Variants in FAT3 observed in about 807,000 individuals in gnomAD.
FAT3 encodes FAT atypical cadherin 3, also known as protocadherin Fat 3.
Under a neutral mutation model 310.2 loss-of-function variants are expected in FAT3, and 95 were observed. The observed-to-expected ratio is 0.31, with a 90% confidence interval of 0.26 to 0.36. FAT3 has a LOEUF of 0.36. Among genes scored for constraint, FAT3 ranks in the 10% least tolerant of loss-of-function variants. The probability of loss-of-function intolerance (pLI) is 1.00; values close to 1 mark genes in which losing one functional copy is unlikely to be tolerated. For synonymous variants in FAT3, 2,314 were observed against 2,192.9 expected (o/e 1.06, Z -1.54); for missense variants, 5,408 against 5,715.6 (o/e 0.95, Z 1.74).
intron 2 of FAT3, among the ~76,000 whole-genome samples, chr11:92,471,516 C>T (rs746882672): frequency 3.9e-5 from 6 of 152,082 alleles, no homozygotes; most frequent in Admixed American, 1.3e-4. Context: ...ATACCCTTCA[C>T]GTTGGCAAAA....
chr11:92,583,531 G>T (rs1479442570), intron 3 of FAT3, among the ~76,000 whole-genome samples: 1 of 151,996 alleles, frequency 6.6e-6, no homozygotes, highest in East Asian at 1.9e-4. Flanking sequence ...AAGTATAAAT[G>T]ATGTGGTTTT....
intron 4 of FAT3, among the ~76,000 whole-genome samples, chr11:92,756,234 T>A (rs1245946513): frequency 6.6e-6 from 1 of 152,256 alleles, no homozygotes; most frequent in Non-Finnish European, 1.5e-5. Flanking sequence ...GTTTTTCTTG[T>A]ACATACATAC....
intron 2 of FAT3, among the ~76,000 whole-genome samples, chr11:92,469,215 A>G (rs957372366): frequency 2.0e-5 from 3 of 152,186 alleles, no homozygotes; most frequent in African/African-American, 7.2e-5. Flanking sequence ...CTCATAAATT[A>G]GCCCTGTTTA....
intron 2 of FAT3, among the ~76,000 whole-genome samples, chr11:92,495,477 A>T (rs1952726367): frequency 6.6e-6 from 1 of 152,094 alleles, no homozygotes; most frequent in Non-Finnish European, 1.5e-5. Context: ...TATGATTTTC[A>T]TTGTTTCTCT....
intron 3 of FAT3, among the ~76,000 whole-genome samples, chr11:92,635,594 A>C (rs912130259): frequency 7.2e-5 from 11 of 152,148 alleles, no homozygotes; most frequent in African/African-American, 2.4e-4. Flanking sequence ...TTGACTTTGA[A>C]GCACCTTCCA....
chr11:92,282,538 G>A (rs1009773235), intron 1 of FAT3, among the ~76,000 whole-genome samples: 7 of 151,942 alleles, frequency 4.6e-5, no homozygotes, highest in African/African-American at 1.7e-4. Flanking sequence ...GGTGGAGCAT[G>A]CCTGTAATCC....
chr11:92,694,889 C>T (rs1943894651), intron 3 of FAT3, among the ~76,000 whole-genome samples: 1 of 152,174 alleles, frequency 6.6e-6, no homozygotes, highest in Non-Finnish European at 1.5e-5. Context: ...AAGTTACTCC[C>T]CACTTTGAAA....
intron 1 of FAT3, among the ~76,000 whole-genome samples, chr11:92,253,663 G>A (rs965629152): frequency 1.3e-5 from 2 of 152,102 alleles, no homozygotes; most frequent in African/African-American, 4.8e-5. Flanking sequence ...TTTATAGAGA[G>A]CATTTCTTCA....
At chr11:92,429,815 C>T (rs1950725058) in intron 2 of FAT3, among the ~76,000 whole-genome samples, 2 of 152,178 alleles carry the variant, frequency 1.3e-5, no homozygotes, top group African/African-American at 4.8e-5. Context: ...AACATTTTTT[C>T]CTTCATTTCA....
At chr11:92,886,529 C>G (rs1949800991) in intron 24 of FAT3, among the ~76,000 whole-genome samples, 1 of 152,224 alleles carries the variant, frequency 6.6e-6, no homozygotes, top group South Asian at 2.1e-4. Context: ...GAAAATTCCA[C>G]TTACTGTCCA....
chr11:92,587,267 T>C (rs752494791), intron 3 of FAT3, among the ~76,000 whole-genome samples: 17 of 152,154 alleles, frequency 1.1e-4, no homozygotes, highest in East Asian at 3.9e-4. Flanking sequence ...AACCTGGTTA[T>C]TGGTGAAATT....
chr11:92,464,032 G>A (rs1056768568), intron 2 of FAT3, among the ~76,000 whole-genome samples: 3 of 152,132 alleles, frequency 2.0e-5, no homozygotes, highest in African/African-American at 4.8e-5. Context: ...CTGGTCTCAC[G>A]AGTGTGTGCC....
chr11:92,814,272 A>G (rs556926800), intron 13 of FAT3, among the ~76,000 whole-genome samples: 177 of 152,346 alleles, frequency 1.2e-3, no homozygotes, highest in African/African-American at 4.0e-3. Context: ...CAAGGATATA[A>G]TCTGAAATCT....
chr11:92,424,019 C>G (rs1012810325), intron 2 of FAT3, among the ~76,000 whole-genome samples: 26 of 152,074 alleles, frequency 1.7e-4, no homozygotes, highest in Admixed American at 1.7e-3. Context: ...AACCATTAAA[C>G]CATTTAAAGA....
chr11:92,486,385 G>A (rs76940484), intron 2 of FAT3, among the ~76,000 whole-genome samples: 6,760 of 150,726 alleles, frequency 0.045, 185 homozygotes, highest in East Asian at 0.084. Context: ...TTTTTTACAC[G>A]TGTCTGCTAT....
intron 2 of FAT3, among the ~76,000 whole-genome samples, chr11:92,478,519 A>G (rs1014608375): frequency 1.3e-5 from 2 of 152,112 alleles, no homozygotes; most frequent in Admixed American, 1.3e-4. Flanking sequence ...TAAGACTCTC[A>G]AAGGACTTGG....
At chr11:92,357,968 A>G (rs1948777806) in intron 2 of FAT3, among the ~76,000 whole-genome samples, 1 of 151,474 alleles carries the variant, frequency 6.6e-6, no homozygotes, top group South Asian at 2.1e-4. Context: ...CAGGAGTCCC[A>G]GACTAGCTTG....
intron 1 of FAT3, among the ~76,000 whole-genome samples, chr11:92,317,328 G>C (rs2134478965): frequency 6.6e-6 from 1 of 152,186 alleles, no homozygotes; most frequent in Non-Finnish European, 1.5e-5. Flanking sequence ...ACTTACTACA[G>C]CTCAGTGATT....
At chr11:92,435,344 A>G (rs1439753445) in intron 2 of FAT3, among the ~76,000 whole-genome samples, 1 of 152,150 alleles carries the variant, frequency 6.6e-6, no homozygotes, top group Non-Finnish European at 1.5e-5. Context: ...CTTTTCTGTG[A>G]CCACTACTAA....
Sources: gnomAD v4.1 joint callset for allele counts (sites outside exome capture counted in the v4.1 genomes callset) on GRCh38, gnomAD v4.1.1 for gene constraint, MANE v1.5 for transcripts, NCBI Gene and HGNC (gene_info 2026-07-23, HGNC 2026-07-21) for gene names.